The following TRAM2 variants were observed in gnomAD, a reference collection of about 807,000 sequenced individuals.
TRAM2 encodes translocation associated membrane protein 2.
TRAM2 carries 12 observed loss-of-function variants against 51.0 expected under a neutral mutation model. That is an observed-to-expected ratio of 0.24 (90% CI 0.15 to 0.38). The LOEUF (loss-of-function observed/expected upper bound fraction) is 0.38, where lower values mean the gene tolerates loss of function less well. Among genes scored for constraint, TRAM2 ranks in the 10% least tolerant of loss-of-function variants. The pLI is 1.00. For missense variants in TRAM2, 361 were observed against 462.0 expected, an observed-to-expected ratio of 0.78 and a Z score of 2.00; for synonymous variants, 175 against 179.4, an observed-to-expected ratio of 0.98 and a Z score of 0.20.
At chr6:52,540,764 G>C (rs1473109503) in intron 1 of TRAM2, among the ~76,000 whole-genome samples, 1 of 152,220 alleles carries the variant, frequency 6.6e-6, no homozygotes, top group Non-Finnish European at 1.5e-5. Flanking sequence ...CTCTAAGGCT[G>C]TTTATAGGAA....
intron 2 of TRAM2, among the ~76,000 whole-genome samples, chr6:52,518,281 G>C (rs62407920): frequency 0.02 from 2,994 of 152,256 alleles, 37 homozygotes; most frequent in Admixed American, 0.035. Flanking sequence ...ATCCTAGCCA[G>C]AGAAAGCAGC....
chr6:52,542,262 G>GATTTTT (rs1767111277), intron 1 of TRAM2, among the ~76,000 whole-genome samples: 2 of 146,706 alleles, frequency 1.4e-5, no homozygotes, highest in African/African-American at 5.0e-5. Flanking sequence ...AGATTTTTGG[G>GATTTTT]TTTTTTTTTT....
intron 3 of TRAM2, 161 bp downstream of exon 3, chr6:52,516,467 G>A (rs1487907067): frequency 1.6e-6 from 1 of 641,934 alleles, no homozygotes; most frequent in Admixed American, 2.7e-5. Flanking sequence ...GCTGTGAACA[G>A]AAACCAAAGT....
intron 2 of TRAM2, among the ~76,000 whole-genome samples, chr6:52,521,613 C>G (rs1449022273): frequency 6.6e-6 from 1 of 151,846 alleles, no homozygotes; most frequent in Non-Finnish European, 1.5e-5. Flanking sequence ...AGGAGAATGG[C>G]GTGAACCCGG....
At position 52,502,856 on chromosome 6, in the gene TRAM2, A is replaced by G; in HGVS notation, c.*341T>C. ...AGGTGAAAATAGGAAGTAAAAAGGA[A>G]AAGCAGCAGCCATAAGGCAAGAGAC... On this transcript the variant is annotated 3_prime_UTR_variant, in exon 11 of 11. Transcript: ENST00000182527. 1 of 263,864 alleles carries G rather than the reference A, an allele frequency of 3.8e-6. No homozygotes were observed. The highest frequency in any genetic ancestry group is 5.0e-5 in the Admixed American group (1 of 20,054). 16.3% of individuals were successfully genotyped at this position (263,864 alleles called of 1,614,324 possible). A position where few individuals can be genotyped will look rare whatever the true frequency, so the allele number is the denominator to read the frequency against.
At chr6:52,554,401 TCCC>T (rs1767364689) in intron 1 of TRAM2, among the ~76,000 whole-genome samples, 1 of 151,186 alleles carries the variant, frequency 6.6e-6, no homozygotes, top group Non-Finnish European at 1.5e-5. Context: ...GTGTCTGTAA[TCCC>T]AGCTACTCGG....
chr6:52,561,801 T>C (rs1011045900), intron 1 of TRAM2, among the ~76,000 whole-genome samples: 8 of 151,968 alleles, frequency 5.3e-5, no homozygotes, highest in African/African-American at 1.9e-4. Flanking sequence ...AGAGACGGAG[T>C]TTCACTGTTT....
chr6:52,505,809 C>A, intron 8 of TRAM2, 67 bp from the exon 9 acceptor site: 1 of 1,537,456 alleles, frequency 6.5e-7, no homozygotes, highest in Admixed American at 2.0e-5. Flanking sequence ...ACCCACTTCT[C>A]CAGAAGAGAC....
chr6:52,555,738 C>T (rs887532267), intron 1 of TRAM2, among the ~76,000 whole-genome samples: 12 of 152,106 alleles, frequency 7.9e-5, no homozygotes, highest in Admixed American at 2.0e-4. Context: ...TTAAAAAATG[C>T]TAACATCTCA....
chr6:52,513,328 G>C (rs1377698391), intron 4 of TRAM2, among the ~76,000 whole-genome samples: 1 of 152,212 alleles, frequency 6.6e-6, no homozygotes, highest in Non-Finnish European at 1.5e-5. Flanking sequence ...AGGCTGGAGA[G>C]AGAAGATGCA....
At position 52,505,613 on chromosome 6, in the gene TRAM2, G is replaced by A; in HGVS notation, c.861C>T (p.Asn287=). ...GCTCGACTCACCTGCAAAACAAAGTGTTGAAGTTCCCTTTCTCGGGATCAA... is the reference window on the plus strand; with the variant it reads ...GCTCGACTCACCTGCAAAACAAAGTATTGAAGTTCCCTTTCTCGGGATCAA... ...QAFDPEKGNF[N]TLFCRLCVLL... The change falls in exon 9 of 11, where the codon AAC becomes AAT. Residue 287 remains asparagine (N), a synonymous_variant. Transcript: ENST00000182527. 1 of 1,612,268 alleles carries A rather than the reference G, an allele frequency of 6.2e-7. No individual in the cohort carries two copies. The highest frequency in any genetic ancestry group is 8.5e-7 in the Non-Finnish European group (1 of 1,178,762).
At chr6:52,503,365 C>A (rs1045498645) in intron 10 of TRAM2, 95 bp from the exon 11 acceptor site, 4 of 1,128,660 alleles carry the variant, frequency 3.5e-6, no homozygotes, top group South Asian at 2.5e-5. Context: ...GGGGCCCGGG[C>A]AGCCCAGCTG....
Position 52,540,480 on chromosome 6 carries a change from C to T in TRAM2, c.121-4634G>A, listed in dbSNP as rs78587355. ...TTGGCTCCAAGCTTTTCTGCAGCCACCTGAAGGAGTGATCAGCTTCTAGAT... is the reference window on the plus strand; with the variant it reads ...TTGGCTCCAAGCTTTTCTGCAGCCATCTGAAGGAGTGATCAGCTTCTAGAT... On this transcript the variant is annotated intron_variant, in intron 1 of 10. Transcript: ENST00000182527. Among the ~76,000 whole-genome samples the T allele has an allele frequency of 4.1e-3, 622 of 152,260 alleles. 10 individuals are homozygous for T. In the South Asian group the frequency reaches 0.062, roughly 15 times the overall value.
At chr6:52,503,998 T>C (rs1487719198) in intron 10 of TRAM2, among the ~76,000 whole-genome samples, 1 of 152,004 alleles carries the variant, frequency 6.6e-6, no homozygotes, top group African/African-American at 2.4e-5. Context: ...CAGCGCCCAG[T>C]GCAGACAGGC....
rs59082260 is a variant in TRAM2, at chr6:52,570,795, A to G, written c.120+6001T>C. ...TCTGCCCCAATCCTCCCTGCCCACC[A>G]CCCCCCCCCCCACACGCACACACAC... On this transcript the variant is annotated intron_variant, in intron 1 of 10. Coordinates refer to ENST00000182527, the MANE Select transcript of TRAM2 (RefSeq NM_012288.4). Among the ~76,000 whole-genome samples the G allele has an allele frequency of 9.3e-5, 6 of 64,228 alleles. 1 individual carries two copies. The highest frequency in any genetic ancestry group is 8.3e-4 in the Admixed American group (5 of 6,044). The allele number at this position is 64,228 out of a possible 152,430, so 42.1% of individuals were successfully genotyped here.
intron 1 of TRAM2, among the ~76,000 whole-genome samples, chr6:52,554,765 CCT>C (rs1767373634): frequency 7.8e-6 from 1 of 127,732 alleles, no homozygotes; most frequent in African/African-American, 3.3e-5. Context: ...TAGAGTCAAT[CCT>C]TTTTTTTTTT....
chr6:52,527,154 G>A (rs13196507), intron 2 of TRAM2, among the ~76,000 whole-genome samples: 32,809 of 151,862 alleles, frequency 0.22, 3,689 homozygotes, highest in Non-Finnish European at 0.26. Context: ...CCGAGGTGGC[G>A]GATCACTTGA....
intron 1 of TRAM2, among the ~76,000 whole-genome samples, chr6:52,552,396 T>C (rs1767324777): frequency 6.6e-6 from 1 of 152,236 alleles, no homozygotes; most frequent in Admixed American, 6.5e-5. Context: ...CTGAAGCCCA[T>C]GCAAATAGGT....
chr6:52,561,648 G>A (rs1451617017), intron 1 of TRAM2, among the ~76,000 whole-genome samples: 3 of 152,054 alleles, frequency 2.0e-5, no homozygotes, highest in Non-Finnish European at 4.4e-5. Flanking sequence ...ACCACGCCCG[G>A]CTAATTTTTT....
Sources: allele counts gnomAD v4.1 joint callset (sites outside exome capture counted in the v4.1 genomes callset), GRCh38; gene constraint gnomAD v4.1.1; transcripts MANE v1.5; gene names NCBI Gene and HGNC (gene_info 2026-07-23, HGNC 2026-07-21).